The following LEPR variants were observed in gnomAD, a reference collection of about 807,000 sequenced individuals.
LEPR encodes leptin receptor, also known as OB receptor.
A neutral mutation model predicts 114.7 loss-of-function variants in LEPR; 56 were observed. That is an observed-to-expected ratio of 0.49 (90% CI 0.39 to 0.61). LEPR has a LOEUF of 0.61. Ranked by LOEUF, LEPR falls within the 20% of genes least tolerant of loss-of-function variation. LEPR has a pLI of 0.00. For missense variants in LEPR, 1,202 were observed against 1,352.9 expected (o/e 0.89, Z 1.75); for synonymous variants, 443 against 461.4 (o/e 0.96, Z 0.51).
chr1:65,494,187 T>A (rs751562687), intron 2 of LEPR: 11 of 152,170 alleles, frequency 7.2e-5, no homozygotes, highest in Non-Finnish European at 1.3e-4. Flanking sequence ...ACTTGCAACT[T>A]CCTTTTGTTT....
chr1:65,469,937 T>C (rs1454643933), intron 2 of LEPR, among the ~76,000 whole-genome samples: 2 of 152,216 alleles, frequency 1.3e-5, no homozygotes, highest in Non-Finnish European at 1.5e-5. Flanking sequence ...GCACACAGCA[T>C]TGATATTTGA....
At chr1:65,434,136 A>G (rs909427644) in intron 2 of LEPR, 1 of 984,110 alleles carries the variant, frequency 1.0e-6, no homozygotes, top group Non-Finnish European at 1.2e-6. Flanking sequence ...GTACTTGCAT[A>G]TAGAGTATTT....
At chr1:65,425,027 T>C (rs992313473) in intron 1 of LEPR, among the ~76,000 whole-genome samples, 1 of 152,238 alleles carries the variant, frequency 6.6e-6, no homozygotes, top group Non-Finnish European at 1.5e-5. Flanking sequence ...TGCTTGAATT[T>C]GGGACCTTTT....
Position 65,596,663 on chromosome 1 carries a change from A to G in LEPR, c.849+70A>G, listed in dbSNP as rs1406866551. On this transcript the variant is annotated intron_variant, in intron 7 of 19. Coordinates refer to ENST00000349533, the MANE Select transcript of LEPR (RefSeq NM_002303.6). ...AAAGACCCTCTTAAGTCCCATAGCAATTACCCTCTGCATACTAAATATATA... is the reference window on the plus strand; with the variant it reads ...AAAGACCCTCTTAAGTCCCATAGCAGTTACCCTCTGCATACTAAATATATA... 7 of 1,376,572 alleles carry G rather than the reference A, an allele frequency of 5.1e-6. No homozygotes were observed. The East Asian group carries it at 7.0e-5, about 14-fold the overall frequency. The allele number at this position is 1,376,572 out of a possible 1,614,324, so 85.3% of individuals were successfully genotyped here.
At chr1:65,634,147 G>A (rs1658627533) in intron 19 of LEPR, 1 of 985,216 alleles carries the variant, frequency 1.0e-6, no homozygotes, top group African/African-American at 1.7e-5. Flanking sequence ...GAATTATGCT[G>A]CGTTGCTCAC....
At position 65,627,016 on chromosome 1, in the gene LEPR, C is replaced by T. The variant is rs58277097; in HGVS notation, c.2673+4035C>T. On this transcript the variant is annotated intron_variant, in intron 19 of 19. Coordinates refer to ENST00000349533, the MANE Select transcript of LEPR (RefSeq NM_002303.6). ...AACAGGAAAAGGCAAATTTACCATC[C>T]ACCCTATGTTTCATATTCATGTTAT... 7.2e-5 allele frequency among the ~76,000 whole-genome samples: 11 copies of T among 152,220 alleles called. No individual in the cohort carries two copies. In the East Asian group the frequency reaches 2.1e-3, roughly 29 times the overall value.
chr1:65,550,187 G>A (rs1315187983), intron 2 of LEPR, among the ~76,000 whole-genome samples: 1 of 152,168 alleles, frequency 6.6e-6, no homozygotes, highest in Admixed American at 6.5e-5. Flanking sequence ...TTGTCTCAGA[G>A]GAGTACCCGG....
At chr1:65,474,513 A>G (rs946862989) in intron 2 of LEPR, among the ~76,000 whole-genome samples, 1 of 152,234 alleles carries the variant, frequency 6.6e-6, no homozygotes. Context: ...ACAACTAAAC[A>G]TTAGCAAGAG....
intron 2 of LEPR, among the ~76,000 whole-genome samples, chr1:65,479,607 A>T (rs555315783): frequency 1.3e-4 from 20 of 152,318 alleles, no homozygotes; most frequent in South Asian, 2.1e-4. Flanking sequence ...TGTTCAGACA[A>T]TAAAGAAAAT....
chr1:65,601,300 T>C (rs1193534094), intron 8 of LEPR, 92 bp from the exon 9 acceptor site: 5 of 1,465,654 alleles, frequency 3.4e-6, no homozygotes, highest in Non-Finnish European at 4.7e-6. Context: ...GCAGTGTAAC[T>C]CTGGAATGTG....
At chr1:65,431,692 C>A in intron 2 of LEPR, 1 of 1,115,876 alleles carries the variant, frequency 9.0e-7, no homozygotes, top group Non-Finnish European at 1.3e-6. Context: ...AGCCTTTTAG[C>A]AGCTTTGTGT....
At chr1:65,595,701 A>G (rs1656017606) in intron 6 of LEPR, among the ~76,000 whole-genome samples, 1 of 152,238 alleles carries the variant, frequency 6.6e-6, no homozygotes, top group African/African-American at 2.4e-5. Flanking sequence ...TAATTTCTAT[A>G]TATATGAATA....
At chr1:65,620,672 C>G (rs1459388235) in intron 17 of LEPR, among the ~76,000 whole-genome samples, 1 of 152,138 alleles carries the variant, frequency 6.6e-6, no homozygotes, top group Non-Finnish European at 1.5e-5. Flanking sequence ...CAGTAAGACC[C>G]TACTTGATAT....
At chr1:65,564,196 A>G (rs1268551790) in intron 2 of LEPR, among the ~76,000 whole-genome samples, 7 of 150,426 alleles carry the variant, frequency 4.7e-5, no homozygotes, top group Admixed American at 1.3e-4. Flanking sequence ...TGTGCTAGCA[A>G]TCAGCGAGAT....
chr1:65,496,435 G>A (rs936915399), intron 2 of LEPR, among the ~76,000 whole-genome samples: 1 of 152,052 alleles, frequency 6.6e-6, no homozygotes, highest in African/African-American at 2.4e-5. Flanking sequence ...ACAATAGCCA[G>A]GTGTGGTTGC....
At chr1:65,533,568 A>G (rs1048667898) in intron 2 of LEPR, among the ~76,000 whole-genome samples, 5 of 152,138 alleles carry the variant, frequency 3.3e-5, no homozygotes, top group Admixed American at 3.3e-4. Context: ...GTTTTATTCT[A>G]ACAGATTATA....
At chr1:65,523,928 AAGAAG>A (rs1334968306) in intron 2 of LEPR, among the ~76,000 whole-genome samples, 2 of 152,232 alleles carry the variant, frequency 1.3e-5, no homozygotes, top group Non-Finnish European at 1.5e-5. Flanking sequence ...TTACAACAAA[AAGAAG>A]AGAAGAGGGC....
intron 2 of LEPR, among the ~76,000 whole-genome samples, chr1:65,548,764 T>G (rs1652008088): frequency 1.3e-5 from 2 of 151,752 alleles, no homozygotes; most frequent in South Asian, 2.1e-4. Context: ...CTTTATCCAA[T>G]TTTCCAGTCT....
intron 2 of LEPR, among the ~76,000 whole-genome samples, chr1:65,564,935 C>G (rs530137006): frequency 1.2e-4 from 18 of 152,196 alleles, no homozygotes; most frequent in Non-Finnish European, 2.5e-4. Context: ...GAAATCTTGT[C>G]TCTGAAGTCG....
Sources: gnomAD v4.1 joint callset for allele counts (sites outside exome capture counted in the v4.1 genomes callset) on GRCh38, gnomAD v4.1.1 for gene constraint, MANE v1.5 for transcripts, NCBI Gene and HGNC (gene_info 2026-07-23, HGNC 2026-07-21) for gene names.